USH2A: variants seen among roughly 807,000 people sequenced by gnomAD.
The protein encoded by USH2A is usherin, also known as Usher syndrome 2A (autosomal recessive, mild).
USH2A carries 443 observed loss-of-function variants against 538.9 expected under a neutral mutation model. The ratio of observed to expected loss-of-function variants is 0.82; its 90% CI spans 0.76 to 0.89. The LOEUF is 0.89. Ranked by LOEUF, USH2A falls within the 40% of genes least tolerant of loss-of-function variation. USH2A has a pLI of 0.00. For missense variants in USH2A, 6,633 were observed against 6,324.8 expected (o/e 1.05, Z -1.65); for synonymous variants, 2,413 against 2,273.5 (o/e 1.06, Z -1.75).
chr1:215,898,605 C>T (rs1399642118), intron 40 of USH2A, among the ~76,000 whole-genome samples: 2 of 152,038 alleles, frequency 1.3e-5, no homozygotes, highest in African/African-American at 4.8e-5. Context: ...ATGCTTTCTC[C>T]CTTCTTCCAA....
intron 5 of USH2A, among the ~76,000 whole-genome samples, chr1:216,326,134 A>G (rs1376471337): frequency 6.6e-6 from 1 of 152,248 alleles, no homozygotes; most frequent in Non-Finnish European, 1.5e-5. Context: ...ACAGATCCTG[A>G]CATCCTGTAA....
chr1:215,924,530 A>G (rs567438493), intron 38 of USH2A, among the ~76,000 whole-genome samples: 12 of 152,152 alleles, frequency 7.9e-5, no homozygotes, highest in African/African-American at 2.6e-4. Context: ...TAAAGCAAAA[A>G]TTTCTTTAGG....
chr1:216,007,492 T>C (rs1270678678), intron 32 of USH2A, among the ~76,000 whole-genome samples: 2 of 152,044 alleles, frequency 1.3e-5, no homozygotes, highest in African/African-American at 4.8e-5. Flanking sequence ...CCTGATGGAA[T>C]AAGGATAAAA....
At chr1:215,716,487 C>T (rs1042245997) in intron 61 of USH2A, among the ~76,000 whole-genome samples, 3 of 152,186 alleles carry the variant, frequency 2.0e-5, no homozygotes, top group African/African-American at 7.2e-5. Flanking sequence ...AGGTATCCAG[C>T]CATGACATTA....
intron 21 of USH2A, among the ~76,000 whole-genome samples, chr1:216,137,599 AAGC>A: frequency 6.6e-6 from 1 of 152,266 alleles, no homozygotes; most frequent in East Asian, 1.9e-4. Context: ...CAAGGGCAGA[AAGC>A]ATCCAGCCCA....
intron 47 of USH2A, among the ~76,000 whole-genome samples, chr1:215,828,598 C>A (rs1435123707): frequency 6.6e-6 from 1 of 152,136 alleles, no homozygotes; most frequent in Admixed American, 6.5e-5. Context: ...CATCTAGAAG[C>A]AAATCTTAAA....
intron 3 of USH2A, among the ~76,000 whole-genome samples, chr1:216,377,660 T>TAGCTGA (rs2038847414): frequency 7.6e-6 from 1 of 131,082 alleles, no homozygotes; most frequent in Non-Finnish European, 1.5e-5. Context: ...TTACCCCAGG[T>TAGCTGA]AAGCAGCAGC....
chr1:215,766,777 A>G lies in USH2A; in HGVS notation c.10951T>C (p.Tyr3651His), dbSNP rs2102748198. 2.5e-6 allele frequency: 4 copies of G among 1,613,564 alleles called. No individual in the cohort carries two copies. Among genetic ancestry groups the G allele is most frequent in the Non-Finnish European group, 3.4e-6 (4 of 1,179,540 alleles). The change falls in exon 56 of 72, where the codon TAC (tyrosine) becomes CAC (histidine). Residue 3651 changes from tyrosine to histidine, a missense_variant. By Grantham distance (83) the Tyr-to-His change is moderately conservative (BLOSUM62 2). Coordinates refer to ENST00000307340, the MANE Select transcript of USH2A (RefSeq NM_206933.4). ...RQHTVTGLQP[Y>H]TNYSFTLTAC... The stretch of plus-strand genomic sequence containing the variant: ...GTAAGAGTGAAGCTGTAGTTGGTGT[A>G]TGGCTGGAGACCTAGAAAAAGCAAG...
chr1:215,888,538 G>A lies in USH2A; in HGVS notation c.8111C>T (p.Thr2704Ile). ...TKYEYRVLMS[T>I]LHGGTNSSAW... is the part of the protein sequence containing the mutation. Reference sequence around the variant, plus strand: ...ACTGCTGTTTGTGCCTCCATGAAGAGTGCTCATCAGTACCCGATATTCATA... The same window carrying A: ...ACTGCTGTTTGTGCCTCCATGAAGAATGCTCATCAGTACCCGATATTCATA... The change falls in exon 41 of 72, where the codon ACT becomes ATT. Residue 2704 changes from threonine (T) to isoleucine (I), a missense_variant. Transcript: ENST00000307340. 1 of 1,614,160 alleles carries A rather than the reference G, an allele frequency of 6.2e-7. No individual in the cohort carries two copies. The highest frequency in any genetic ancestry group is 8.5e-7 in the Non-Finnish European group (1 of 1,180,022).
At chr1:215,993,626 G>C (rs1457814537) in intron 34 of USH2A, among the ~76,000 whole-genome samples, 1 of 152,084 alleles carries the variant, frequency 6.6e-6, no homozygotes, top group African/African-American at 2.4e-5. Flanking sequence ...AAGAAAAGAT[G>C]TGCAGCAAAT....
rs6540908 is a variant in USH2A, at chr1:215,752,523, C to T, written c.11389+6072G>A. ...TTGAGAAGTGACTCTCCTCCCCTCC[C>T]ACCTAACTAAAATCTTCCTACACCT... On this transcript the variant is annotated intron_variant, in intron 58 of 71. Coordinates refer to ENST00000307340, the MANE Select transcript of USH2A (RefSeq NM_206933.4). Among the ~76,000 whole-genome samples, 1,258 of 152,266 alleles carry T rather than the reference C, an allele frequency of 8.3e-3. 15 individuals are homozygous for T. Among genetic ancestry groups the T allele is most frequent in the African/African-American group, 0.028 (1,161 of 41,560 alleles).
intron 21 of USH2A, among the ~76,000 whole-genome samples, chr1:216,146,479 C>G (rs953953764): frequency 2.6e-5 from 4 of 152,200 alleles, no homozygotes; most frequent in African/African-American, 9.7e-5. Context: ...CGCAGGGACA[C>G]CTGCCTTGGT....
intron 21 of USH2A, among the ~76,000 whole-genome samples, chr1:216,163,259 C>T (rs189837132): frequency 9.0e-4 from 136 of 151,888 alleles, no homozygotes; most frequent in African/African-American, 2.1e-3. Context: ...GCTGTTACTC[C>T]GCTCTAAAAT....
Position 215,670,837 on chromosome 1 carries a change from T to G in USH2A, c.14133+135A>C, listed in dbSNP as rs571228501. The G allele has an allele frequency of 5.4e-6, 5 of 922,240 alleles. No individual in the cohort carries two copies. The East Asian group carries it at 7.7e-5, about 14-fold the overall frequency. 57.1% of individuals were successfully genotyped at this position (922,240 alleles called of 1,614,324 possible). ...TTTTCCTCATTTACCACTTAAAAAT[T>G]TTTAAGGAATATTATTATTCTCCTT... On this transcript the variant is annotated intron_variant, in intron 64 of 71. Coordinates refer to ENST00000307340, the MANE Select transcript of USH2A (RefSeq NM_206933.4).
chr1:216,339,260 AT>A (rs2038030588), intron 4 of USH2A, among the ~76,000 whole-genome samples: 2 of 151,590 alleles, frequency 1.3e-5, no homozygotes, highest in African/African-American at 4.8e-5. Context: ...TATACTCTGT[AT>A]TTTTATATAT....
At chr1:215,639,125 G>A (rs552555117) in intron 69 of USH2A, 30 bp downstream of exon 69, 2 of 1,602,900 alleles carry the variant, frequency 1.2e-6, no homozygotes, top group East Asian at 4.5e-5. Context: ...ATGAATAGGT[G>A]CTACGCCAAG....
chr1:215,656,918 T>C (rs1657272765), intron 64 of USH2A, among the ~76,000 whole-genome samples: 1 of 152,190 alleles, frequency 6.6e-6, no homozygotes, highest in Non-Finnish European at 1.5e-5. Context: ...GCTATGCCAG[T>C]AATTAATAAG....
At chr1:216,093,606 G>A (rs771700593) in intron 22 of USH2A, among the ~76,000 whole-genome samples, 4 of 152,100 alleles carry the variant, frequency 2.6e-5, no homozygotes, top group Non-Finnish European at 4.4e-5. Flanking sequence ...TTAAGGTATC[G>A]CATCCTTTAG....
At chr1:216,002,112 ACATAACTGGGGTGCCTT>A (rs1307799106) in intron 32 of USH2A, among the ~76,000 whole-genome samples, 1 of 152,244 alleles carries the variant, frequency 6.6e-6, no homozygotes, top group Non-Finnish European at 1.5e-5. Flanking sequence ...CACGACTGAG[ACATAACTGGGGTGCCTT>A]CATTTGGACC....
Sources: allele counts gnomAD v4.1 joint callset (sites outside exome capture counted in the v4.1 genomes callset), GRCh38; gene constraint gnomAD v4.1.1; transcripts MANE v1.5; gene names NCBI Gene and HGNC (gene_info 2026-07-23, HGNC 2026-07-21).